Variants in MCF2L observed in about 807,000 individuals in gnomAD.
MCF2L encodes the protein guanine nucleotide exchange factor DBS.
In MCF2L, 97 loss-of-function variants were observed where a neutral mutation model predicts 153.4. That is an observed-to-expected ratio of 0.63 (90% confidence interval 0.54 to 0.75). MCF2L has a LOEUF of 0.75. Among genes scored for constraint, MCF2L ranks in the 30% least tolerant of loss-of-function variants. The pLI, the probability that MCF2L is intolerant of heterozygous loss-of-function variation, is 0.00. For missense variants in MCF2L, 1,347 were observed against 1,495.2 expected (o/e 0.90, Z 1.64); for synonymous variants, 659 against 632.2 (o/e 1.04, Z -0.64).
chr13:112,948,147 T>G (rs1483716953), intron 2 of MCF2L, among the ~76,000 whole-genome samples: 1 of 152,192 alleles, frequency 6.6e-6, no homozygotes, highest in Non-Finnish European at 1.5e-5. Flanking sequence ...TGTGCTGTGA[T>G]GGGCATGGCA....
At chr13:112,945,001 ATTTTTT>A (rs10690779) in intron 2 of MCF2L, among the ~76,000 whole-genome samples, 3 of 139,360 alleles carry the variant, frequency 2.2e-5, no homozygotes, top group Non-Finnish European at 3.1e-5. Context: ...AGGCACCACT[ATTTTTT>A]TTTTTTTTTT....
chr13:113,075,159 G>A lies in MCF2L; in HGVS notation c.1278G>A (p.Lys426=), dbSNP rs776259515. The part of the protein sequence containing the change: ...EIARRRGLLS[K]SLELHRRLET... The stretch of plus-strand genomic sequence containing the variant: ...CAAGGAGGAGGGGGCTGCTCAGCAA[G>A]TCCCTGGAGCTGCACCGCCGCCTGG... Residue 426 remains lysine, a synonymous_variant, in exon 11 of 30, where the codon AAG becomes AAA. Transcript: ENST00000535094. 2 of 1,609,156 alleles carry A rather than the reference G, an allele frequency of 1.2e-6. No homozygotes were observed. The highest frequency in any genetic ancestry group is 1.1e-5 in the South Asian group (1 of 90,998).
At position 112,941,873 on chromosome 13, in the gene MCF2L, T is replaced by C. The variant is rs2081578391; in HGVS notation, c.169+39502T>C. Reference sequence around the variant, plus strand: ...TACAGAGATAGGAACTGAGGGGACATAGTGAGAAGTGATCAGAAGACAAGA... The same window carrying C: ...TACAGAGATAGGAACTGAGGGGACACAGTGAGAAGTGATCAGAAGACAAGA... On this transcript the variant is annotated intron_variant, in intron 2 of 29. Coordinates refer to the MCF2L transcript ENST00000375608. This position sits in a 1 kb window ranked among gnomAD's most constrained non-coding sequence, Gnocchi z 4.9. Among the ~76,000 whole-genome samples, 1 of 152,056 alleles carries C rather than the reference T, an allele frequency of 6.6e-6. No individual in the cohort carries two copies.
intron 4 of MCF2L, among the ~76,000 whole-genome samples, chr13:113,060,309 C>G (rs570918076): frequency 6.6e-6 from 1 of 152,346 alleles, no homozygotes; most frequent in African/African-American, 2.4e-5. Flanking sequence ...TGGGGGGACA[C>G]AGCTCAGCCC....
Position 112,999,295 on chromosome 13 carries a change from C to T in MCF2L, c.80-15468C>T, listed in dbSNP as rs529146753. On this transcript the variant is annotated intron_variant, in intron 1 of 29. Coordinates refer to ENST00000535094, the MANE Select transcript of MCF2L (RefSeq NM_001112732.3). Reference sequence around the variant, plus strand: ...TTGCCCACCAGAAACTTCAGTGTGACAAGACATCGGGGGCCAGGAGAGACG... The same window carrying T: ...TTGCCCACCAGAAACTTCAGTGTGATAAGACATCGGGGGCCAGGAGAGACG... Among the ~76,000 whole-genome samples the T allele has an allele frequency of 2.7e-4, 41 of 152,258 alleles. 1 individual carries two copies. The highest frequency in any genetic ancestry group is 9.8e-4 in the Admixed American group (15 of 15,308).
At chr13:113,034,293 C>T (rs890780389) in intron 3 of MCF2L, among the ~76,000 whole-genome samples, 1 of 152,108 alleles carries the variant, frequency 6.6e-6, no homozygotes, top group Non-Finnish European at 1.5e-5. Context: ...CATGCCACCA[C>T]GCCCGGCTAA....
chr13:112,993,143 G>A lies in MCF2L; in HGVS notation c.80-21620G>A, dbSNP rs1042625248. On this transcript the variant is annotated intron_variant, in intron 1 of 29. Transcript: ENST00000535094. This position sits in a 1 kb window ranked among gnomAD's most constrained non-coding sequence, Gnocchi z 4.6. ...GCTGCCGCGGAGGGAGAGGTAGCGC[G>A]GGGCATGGGGAGGCCACAGAGAGGC... is the stretch of plus-strand genomic sequence containing the variant. Among the ~76,000 whole-genome samples, 5 of 152,258 alleles carry A rather than the reference G, an allele frequency of 3.3e-5. No individual in the cohort carries two copies. Among genetic ancestry groups the A allele is most frequent in the East Asian group, 1.9e-4 (1 of 5,190 alleles).
chr13:112,919,709 A>G (rs1162367430), intron 2 of MCF2L, among the ~76,000 whole-genome samples: 1 of 152,148 alleles, frequency 6.6e-6, no homozygotes, highest in African/African-American at 2.4e-5. Flanking sequence ...CTAGTTTAAC[A>G]TTTGTTCTTC....
intron 2 of MCF2L, among the ~76,000 whole-genome samples, chr13:112,934,930 C>T (rs929947848): frequency 2.0e-5 from 3 of 152,162 alleles, no homozygotes; most frequent in African/African-American, 4.8e-5. Flanking sequence ...GTCCTGGACA[C>T]GTTAGTGTTC....
Position 113,097,030 on chromosome 13 carries a change from C to T in MCF2L, c.*171C>T, listed in dbSNP as rs1438674744. ...GGCAGAGGCAGGTTCCACGGAAGAC[C>T]CCGGCCCGCTGGGGCTTCCCCGGAG... On this transcript the variant is annotated 3_prime_UTR_variant, in exon 30 of 30. Coordinates refer to ENST00000535094, the MANE Select transcript of MCF2L (RefSeq NM_001112732.3). 2.4e-6 allele frequency: 1 copy of T among 410,226 alleles called. No homozygotes were observed. Among genetic ancestry groups the T allele is most frequent in the East Asian group, 4.2e-5 (1 of 23,664 alleles). The allele number at this position is 410,226 out of a possible 1,614,324, so 25.4% of individuals were successfully genotyped here.
rs558247712 is a variant in MCF2L, at chr13:113,053,379, T to C, written c.370-7214T>C. Among the ~76,000 whole-genome samples, 3 of 152,228 alleles carry C rather than the reference T, an allele frequency of 2.0e-5. No individual in the cohort carries two copies. Among genetic ancestry groups the C allele is most frequent in the Non-Finnish European group, 4.4e-5 (3 of 68,048 alleles). The stretch of plus-strand genomic sequence containing the variant: ...CGAAGGGTTGAAGCCAGTTGCTTTA[T>C]GGAATATCCTTTCATCTGGTTTCCT... On this transcript the variant is annotated intron_variant, in intron 4 of 29. Coordinates refer to ENST00000535094, the MANE Select transcript of MCF2L (RefSeq NM_001112732.3). The surrounding 1 kb of genome is among the most constrained non-coding windows in gnomAD (Gnocchi z 4.4).
At chr13:112,937,970 T>C (rs2081534994) in intron 2 of MCF2L, among the ~76,000 whole-genome samples, 1 of 444 alleles carries the variant, frequency 2.3e-3, no homozygotes, top group Non-Finnish European at 6.1e-3. Flanking sequence ...GATCTCTGAG[T>C]GGTTGGTTCA....
At chr13:112,980,425 C>G (rs967628779) in intron 1 of MCF2L, among the ~76,000 whole-genome samples, 1 of 152,234 alleles carries the variant, frequency 6.6e-6, no homozygotes, top group Non-Finnish European at 1.5e-5. Context: ...CTGGGGCCAG[C>G]CCCCACCCCT....
Position 113,045,014 on chromosome 13 carries a change from T to C in MCF2L, c.279-257T>C, listed in dbSNP as rs1003632009. On this transcript the variant is annotated intron_variant, in intron 3 of 29. Coordinates refer to ENST00000535094, the MANE Select transcript of MCF2L (RefSeq NM_001112732.3). The surrounding 1 kb of genome is among the most constrained non-coding windows in gnomAD (Gnocchi z 4.2). ...GGAGAGATGGTTCTGCCTCAATCTG[T>C]GACTCGAGGTGGTTGGTGTTAGGCT... The C allele has an allele frequency of 2.3e-5, 30 of 1,295,120 alleles. No homozygotes were observed. Among genetic ancestry groups the C allele is most frequent in the Non-Finnish European group, 3.1e-5 (29 of 929,382 alleles). The allele number at this position is 1,295,120 out of a possible 1,614,324, so 80.2% of individuals were successfully genotyped here.
chr13:113,025,836 T>G (rs61967113), intron 3 of MCF2L, among the ~76,000 whole-genome samples: 22,788 of 63,488 alleles, frequency 0.36, 2,629 homozygotes, highest in East Asian at 0.54. Context: ...AGAGTCTCTG[T>G]GAGGTTTCAT....
intron 8 of MCF2L, among the ~76,000 whole-genome samples, chr13:113,066,601 C>T (rs2032402704): frequency 6.6e-6 from 1 of 152,150 alleles, no homozygotes. Context: ...CATATTTCTC[C>T]CTTGGGCTTC....
rs1202046396 is a variant in MCF2L at position 113,086,106 on chromosome 13, T to C, written c.2248-18T>C. 6.3e-7 allele frequency: 1 copy of C among 1,595,118 alleles called. No homozygotes were observed. The highest frequency in any genetic ancestry group is 1.7e-5 in the Admixed American group (1 of 57,202). On this transcript the variant is annotated intron_variant, in intron 20 of 29. Transcript: ENST00000535094. ...CTCTCCGTGTCCCGACGCGGTTGCC[T>C]CACCCCATGCCCCTCAGGAAATGCT...
Position 113,027,704 on chromosome 13 carries a change from A to G in MCF2L, c.278+2946A>G, listed in dbSNP as rs147140598. On this transcript the variant is annotated intron_variant, in intron 3 of 29. Coordinates refer to ENST00000535094, the MANE Select transcript of MCF2L (RefSeq NM_001112732.3). The surrounding 1 kb of genome is among the most constrained non-coding windows in gnomAD (Gnocchi z 4.8). The stretch of plus-strand genomic sequence containing the variant: ...CTGCGATGCTGCAGACGGTTTCCAC[A>G]CATTCCTCCCTGGTTCTCAGCCACA... Among the ~76,000 whole-genome samples the G allele has an allele frequency of 0.013, 1,979 of 152,262 alleles. 50 individuals carry two copies. Among genetic ancestry groups the G allele is most frequent in the African/African-American group, 0.046 (1,902 of 41,536 alleles).
chr13:112,894,619 G>A (rs1245241883), intron 1 of MCF2L, among the ~76,000 whole-genome samples: 2 of 152,080 alleles, frequency 1.3e-5, no homozygotes, highest in Non-Finnish European at 1.5e-5. Context: ...GGCCCCCGCG[G>A]CCCCTGCCCA....
Sources: gnomAD v4.1 joint callset for allele counts (sites outside exome capture counted in the v4.1 genomes callset) on GRCh38, gnomAD v4.1.1 for gene constraint, Gnocchi (gnomAD v3.1) non-coding constraint, MANE v1.5 for transcripts, NCBI Gene and HGNC (gene_info 2026-07-23, HGNC 2026-07-21) for gene names.